CDKAL1: variants seen among roughly 807,000 people sequenced by gnomAD.
CDKAL1 encodes the protein CDKAL1 threonylcarbamoyladenosine tRNA methylthiotransferase.
A neutral mutation model predicts 68.2 loss-of-function variants in CDKAL1; 32 were observed. The ratio of observed to expected loss-of-function variants is 0.47; its 90% CI spans 0.35 to 0.63. CDKAL1 has a LOEUF of 0.63. Among genes scored for constraint, CDKAL1 ranks in the 30% least tolerant of loss-of-function variants. The pLI is 0.00. For synonymous variants in CDKAL1, 234 were observed against 244.3 expected, an observed-to-expected ratio of 0.96 and a Z score of 0.39; for missense variants, 606 against 696.7, an observed-to-expected ratio of 0.87 and a Z score of 1.47.
At chr6:21,026,898 C>T (rs1224223734) in intron 11 of CDKAL1, among the ~76,000 whole-genome samples, 1 of 152,200 alleles carries the variant, frequency 6.6e-6, no homozygotes, top group African/African-American at 2.4e-5. Flanking sequence ...AGAAACCTCT[C>T]AATGAGCCTC....
intron 13 of CDKAL1, among the ~76,000 whole-genome samples, chr6:21,141,965 A>G (rs1775936494): frequency 6.6e-6 from 1 of 151,974 alleles, no homozygotes; most frequent in Admixed American, 6.6e-5. Flanking sequence ...CTTTAATGCC[A>G]TTTTTTCTAG....
chr6:20,559,711 G>A (rs1764195282), intron 4 of CDKAL1: 2 of 152,000 alleles, frequency 1.3e-5, no homozygotes, highest in African/African-American at 4.8e-5. Flanking sequence ...AGAATTACCG[G>A]CATTATGGTA....
chr6:20,704,195 G>T (rs1462050905), intron 5 of CDKAL1, among the ~76,000 whole-genome samples: 1 of 152,092 alleles, frequency 6.6e-6, no homozygotes, highest in Non-Finnish European at 1.5e-5. Context: ...TACACCAAGT[G>T]CTTTTTTAAG....
chr6:20,680,850 T>G (rs1269812293), intron 5 of CDKAL1, among the ~76,000 whole-genome samples: 1 of 152,216 alleles, frequency 6.6e-6, no homozygotes, highest in Admixed American at 6.5e-5. Flanking sequence ...GCAAGGAATT[T>G]ATAACAGGGC....
chr6:21,005,921 G>T (rs1018087228), intron 11 of CDKAL1, among the ~76,000 whole-genome samples: 2 of 152,132 alleles, frequency 1.3e-5, no homozygotes, highest in Admixed American at 1.3e-4. Flanking sequence ...TAGCAGACTT[G>T]CAGAGGAAGT....
chr6:20,847,910 C>G (rs1429229131), intron 9 of CDKAL1, among the ~76,000 whole-genome samples: 1 of 152,154 alleles, frequency 6.6e-6, no homozygotes, highest in East Asian at 1.9e-4. Flanking sequence ...GGGAGCAGGT[C>G]TGAGCAGTGG....
intron 10 of CDKAL1, among the ~76,000 whole-genome samples, chr6:20,997,750 C>T (rs1767198655): frequency 6.6e-6 from 1 of 152,136 alleles, no homozygotes. Context: ...AAATTTATGT[C>T]ATGCAAATCA....
intron 4 of CDKAL1, among the ~76,000 whole-genome samples, chr6:20,635,737 T>G (rs759076354): frequency 4.4e-4 from 67 of 152,190 alleles, no homozygotes; most frequent in Non-Finnish European, 9.1e-4. Context: ...GGAAAGATTT[T>G]CCTCTATCCT....
intron 8 of CDKAL1, among the ~76,000 whole-genome samples, chr6:20,812,130 G>A (rs532740632): frequency 6.6e-6 from 1 of 152,108 alleles, no homozygotes; most frequent in African/African-American, 2.4e-5. Context: ...TAAAAATTTG[G>A]TTACCCTGCT....
intron 8 of CDKAL1, among the ~76,000 whole-genome samples, chr6:20,791,429 G>GT (rs1775894927): frequency 2.6e-5 from 4 of 152,220 alleles, no homozygotes; most frequent in East Asian, 3.9e-4. Flanking sequence ...CATCTGACCA[G>GT]TTTTTTTCAA....
intron 11 of CDKAL1, among the ~76,000 whole-genome samples, chr6:21,061,885 C>A (rs1771157527): frequency 6.6e-6 from 1 of 152,202 alleles, no homozygotes; most frequent in Non-Finnish European, 1.5e-5. Context: ...AACCATTCAA[C>A]TGCTTTTACT....
intron 12 of CDKAL1, among the ~76,000 whole-genome samples, chr6:21,089,905 G>T (rs553173956): frequency 6.6e-6 from 1 of 152,228 alleles, no homozygotes; most frequent in African/African-American, 2.4e-5. Context: ...TATTGGGAAT[G>T]CATAGCTACA....
chr6:20,992,646 C>A (rs937082062), intron 10 of CDKAL1, among the ~76,000 whole-genome samples: 1 of 152,046 alleles, frequency 6.6e-6, no homozygotes, highest in Non-Finnish European at 1.5e-5. Context: ...ATCTGTAATA[C>A]CAGCGCTTTG....
chr6:20,821,806 A>C (rs1233850532), intron 8 of CDKAL1, among the ~76,000 whole-genome samples: 1 of 152,214 alleles, frequency 6.6e-6, no homozygotes, highest in Non-Finnish European at 1.5e-5. Flanking sequence ...TGGAGGTAAT[A>C]AACTTAACTT....
chr6:20,716,370 G>C (rs1441140694), intron 5 of CDKAL1, among the ~76,000 whole-genome samples: 2 of 152,168 alleles, frequency 1.3e-5, no homozygotes, highest in African/African-American at 4.8e-5. Flanking sequence ...CAGAGCAGAA[G>C]TTTGTGAAGA....
chr6:20,534,735 A>AT (rs2127640121), intron 1 of CDKAL1, among the ~76,000 whole-genome samples, 161 bp downstream of exon 1: 1 of 152,248 alleles, frequency 6.6e-6, no homozygotes, highest in Admixed American at 6.5e-5. Context: ...TGGGAGGCAG[A>AT]TGGGGCTTCC....
chr6:20,870,545 C>T (rs1187422326), intron 9 of CDKAL1, among the ~76,000 whole-genome samples: 1 of 152,140 alleles, frequency 6.6e-6, no homozygotes, highest in African/African-American at 2.4e-5. Context: ...CAGTACTTTC[C>T]TTCTTTCCTG....
chr6:20,791,288 T>C (rs771603895), intron 8 of CDKAL1, among the ~76,000 whole-genome samples: 6 of 152,242 alleles, frequency 3.9e-5, no homozygotes, highest in Non-Finnish European at 5.9e-5. Context: ...ACATAGTATC[T>C]GTTCAATATA....
intron 9 of CDKAL1, among the ~76,000 whole-genome samples, chr6:20,926,938 TAGAG>T (rs935570051): frequency 6.8e-6 from 1 of 147,890 alleles, no homozygotes. Flanking sequence ...TATATATATA[TAGAG>T]AGAGAGAGAC....
Sources: allele counts gnomAD v4.1 joint callset (sites outside exome capture counted in the v4.1 genomes callset), GRCh38; gene constraint gnomAD v4.1.1; transcripts MANE v1.5; gene names NCBI Gene and HGNC (gene_info 2026-07-23, HGNC 2026-07-21).